SLC4A10: variants seen among roughly 807,000 people sequenced by gnomAD.
SLC4A10 encodes sodium-driven chloride bicarbonate exchanger.
A neutral mutation model predicts 137.7 loss-of-function variants in SLC4A10; 42 were observed. The observed-to-expected ratio is 0.30, with a 90% CI of 0.24 to 0.39. The LOEUF is 0.39. SLC4A10 is among the 10% of genes least tolerant of loss of function. The probability of loss-of-function intolerance (pLI) is 1.00; values close to 1 mark genes in which losing one functional copy is unlikely to be tolerated. For missense variants in SLC4A10, 925 were observed against 1,355.0 expected (o/e 0.68, Z 4.98); for synonymous variants, 474 against 464.1 (o/e 1.02, Z -0.27).
intron 1 of SLC4A10, among the ~76,000 whole-genome samples, chr2:161,751,379 G>T (rs2048957723): frequency 6.9e-6 from 1 of 144,642 alleles, no homozygotes. Flanking sequence ...TATATTGCTA[G>T]GTTTAATTAC....
chr2:161,821,996 CTGCTATCA>C (rs2057665228), intron 3 of SLC4A10, among the ~76,000 whole-genome samples: 1 of 152,156 alleles, frequency 6.6e-6, no homozygotes, highest in Non-Finnish European at 1.5e-5. Flanking sequence ...TTTACCATTG[CTGCTATCA>C]TTGTGTTTTA....
intron 15 of SLC4A10, among the ~76,000 whole-genome samples, chr2:161,907,012 C>T (rs1283028800): frequency 4.8e-5 from 7 of 145,602 alleles, no homozygotes; most frequent in African/African-American, 7.6e-5. Context: ...GCTGAGATCG[C>T]GCCACTGCAC....
At chr2:161,825,546 T>A (rs571792328) in intron 3 of SLC4A10, among the ~76,000 whole-genome samples, 1 of 152,320 alleles carries the variant, frequency 6.6e-6, no homozygotes, top group Non-Finnish European at 1.5e-5. Flanking sequence ...CTCAGTGCTC[T>A]GTGGCAGCCC....
intron 11 of SLC4A10, among the ~76,000 whole-genome samples, chr2:161,898,662 T>G (rs2063764061): frequency 1.3e-5 from 2 of 152,148 alleles, no homozygotes; most frequent in South Asian, 4.1e-4. Flanking sequence ...TCATTAGAAC[T>G]TTGCATCAGT....
At chr2:161,828,985 A>G (rs978462612) in intron 3 of SLC4A10, among the ~76,000 whole-genome samples, 5 of 150,924 alleles carry the variant, frequency 3.3e-5, no homozygotes, top group African/African-American at 1.2e-4. Flanking sequence ...GTATTTCTAA[A>G]TCCATTGCCT....
intron 15 of SLC4A10, among the ~76,000 whole-genome samples, chr2:161,931,875 GT>G: frequency 6.6e-6 from 1 of 152,190 alleles, no homozygotes; most frequent in Admixed American, 6.5e-5. Flanking sequence ...AAATAAAATT[GT>G]TTTATAGATG....
At chr2:161,933,003 T>C (rs1371426751) in intron 15 of SLC4A10, among the ~76,000 whole-genome samples, 3 of 152,180 alleles carry the variant, frequency 2.0e-5, no homozygotes, top group Non-Finnish European at 1.5e-5. Context: ...CTTATTCCAC[T>C]TAACATAATG....
intron 4 of SLC4A10, among the ~76,000 whole-genome samples, chr2:161,840,985 A>G (rs1306826357): frequency 6.6e-6 from 1 of 152,170 alleles, no homozygotes; most frequent in Non-Finnish European, 1.5e-5. Context: ...GGTTGGAGTT[A>G]GCTAGGCAGA....
At chr2:161,936,350 A>T (rs1691584674) in intron 15 of SLC4A10, among the ~76,000 whole-genome samples, 1 of 152,064 alleles carries the variant, frequency 6.6e-6, no homozygotes, top group Non-Finnish European at 1.5e-5. Context: ...GTTTCAGAGG[A>T]ACTGGTATTA....
intron 10 of SLC4A10, among the ~76,000 whole-genome samples, 197 bp from the exon 11 acceptor site, chr2:161,894,482 A>G (rs908161807): frequency 6.6e-5 from 10 of 152,000 alleles, no homozygotes; most frequent in Non-Finnish European, 1.2e-4. Context: ...ATCTGACATC[A>G]TAAGAAAAAT....
intron 1 of SLC4A10, among the ~76,000 whole-genome samples, chr2:161,725,097 T>C (rs1186217597): frequency 6.6e-6 from 1 of 152,194 alleles, no homozygotes; most frequent in East Asian, 1.9e-4. Flanking sequence ...TGAGCAAATA[T>C]GGCCTAAATC....
chr2:161,796,581 G>A (rs2054795842), intron 2 of SLC4A10, among the ~76,000 whole-genome samples: 1 of 152,172 alleles, frequency 6.6e-6, no homozygotes, highest in Non-Finnish European at 1.5e-5. Flanking sequence ...TTCAAGGGTT[G>A]GAGGAATATA....
chr2:161,660,574 TTC>T (rs1283512126), intron 1 of SLC4A10, among the ~76,000 whole-genome samples: 1 of 126,684 alleles, frequency 7.9e-6, no homozygotes, highest in Non-Finnish European at 1.8e-5. Flanking sequence ...CTTTCTTTCT[TTC>T]TTTCTTTCTT....
Position 161,775,790 on chromosome 2 carries a change from A to G in SLC4A10, c.130+4736A>G, listed in dbSNP as rs568439075. Among the ~76,000 whole-genome samples the G allele has an allele frequency of 8.6e-5, 13 of 150,940 alleles. No individual in the cohort carries two copies. In the South Asian group the frequency reaches 2.7e-3, roughly 32 times the overall value. ...TGGCACTTTTTAAAATTTAATGGAT[A>G]TTTTTTTTTCACGTATGAACATTGT... is the stretch of plus-strand genomic sequence containing the variant. On this transcript the variant is annotated intron_variant, in intron 2 of 26. Coordinates refer to ENST00000446997, the MANE Select transcript of SLC4A10 (RefSeq NM_001178015.2).
chr2:161,708,403 A>G (rs2043919430), intron 1 of SLC4A10, among the ~76,000 whole-genome samples: 1 of 151,580 alleles, frequency 6.6e-6, no homozygotes, highest in Non-Finnish European at 1.5e-5. Flanking sequence ...TTATTTTTAA[A>G]GGACTGAAAA....
chr2:161,977,158 C>T (rs1384189863), intron 25 of SLC4A10: 1 of 309,824 alleles, frequency 3.2e-6, no homozygotes. Context: ...TTTATTCCCT[C>T]ATCACCCACT....
chr2:161,794,365 G>T (rs552629103), intron 2 of SLC4A10, among the ~76,000 whole-genome samples: 1 of 152,008 alleles, frequency 6.6e-6, no homozygotes, highest in Admixed American at 6.6e-5. Context: ...CTTCCAAGAG[G>T]GTGGATCTTA....
rs145997900 is a variant in SLC4A10 at position 161,836,060 on chromosome 2, G to A, written c.278-3729G>A. On this transcript the variant is annotated intron_variant, in intron 3 of 26. Coordinates refer to ENST00000446997, the MANE Select transcript of SLC4A10 (RefSeq NM_001178015.2). ...GTTAGATTTATCCGTGACTGATGGCGTATTTATGGGAAAATTAGTCAGAGA... is the reference window on the plus strand; with the variant it reads ...GTTAGATTTATCCGTGACTGATGGCATATTTATGGGAAAATTAGTCAGAGA... 2.8e-3 allele frequency among the ~76,000 whole-genome samples: 428 copies of A among 152,312 alleles called. 1 individual carries two copies. The highest frequency in any genetic ancestry group is 4.7e-3 in the Non-Finnish European group (320 of 68,026).
intron 2 of SLC4A10, among the ~76,000 whole-genome samples, chr2:161,793,001 C>A (rs1338376099): frequency 6.6e-6 from 1 of 151,922 alleles, no homozygotes; most frequent in Non-Finnish European, 1.5e-5. Context: ...GGATAATACC[C>A]ATAATCTTAG....
Sources: gnomAD v4.1 joint callset for allele counts (sites outside exome capture counted in the v4.1 genomes callset) on GRCh38, gnomAD v4.1.1 for gene constraint, MANE v1.5 for transcripts, NCBI Gene and HGNC (gene_info 2026-07-23, HGNC 2026-07-21) for gene names.